The following SCP2 variants were observed in gnomAD, a reference collection of about 807,000 sequenced individuals.
SCP2 encodes the protein sterol carrier protein 2.
SCP2 carries 48 observed loss-of-function variants against 71.4 expected under a neutral mutation model. The observed-to-expected ratio is 0.67, with a 90% CI of 0.53 to 0.86. The LOEUF (loss-of-function observed/expected upper bound fraction) is 0.86, where lower values mean the gene tolerates loss of function less well. Ranked by LOEUF, SCP2 falls within the 40% of genes least tolerant of loss-of-function variation. The pLI is 0.00. For synonymous variants in SCP2, 220 were observed against 218.1 expected (o/e 1.01, Z -0.08); for missense variants, 560 against 655.6 (o/e 0.85, Z 1.59).
At chr1:52,974,353 G>C (rs987474651) in intron 6 of SCP2, among the ~76,000 whole-genome samples, 2 of 152,068 alleles carry the variant, frequency 1.3e-5, no homozygotes, top group African/African-American at 4.8e-5. Context: ...ATAAGGAAAG[G>C]GAGGAAGATG....
At chr1:53,004,409 A>G (rs1332488838) in intron 11 of SCP2, among the ~76,000 whole-genome samples, 1 of 152,178 alleles carries the variant, frequency 6.6e-6, no homozygotes, top group Non-Finnish European at 1.5e-5. Flanking sequence ...AAGCCATCAT[A>G]TCCCCTGTGA....
intron 1 of SCP2, among the ~76,000 whole-genome samples, chr1:52,935,711 A>G (rs1653675736): frequency 6.6e-6 from 1 of 152,046 alleles, no homozygotes; most frequent in South Asian, 2.1e-4. Flanking sequence ...GCTGAGGTTG[A>G]AGGCTTACTT....
chr1:52,967,348 A>G (rs1657061947), intron 6 of SCP2, among the ~76,000 whole-genome samples: 1 of 151,948 alleles, frequency 6.6e-6, no homozygotes, highest in African/African-American at 2.4e-5. Context: ...TTAATGTTTA[A>G]ACATTCTATA....
rs927968551 is a variant in SCP2 at position 52,927,358 on chromosome 1, C to T, written c.-39C>T. On this transcript the variant is annotated 5_prime_UTR_variant, in exon 1 of 16. Coordinates refer to ENST00000371514, the MANE Select transcript of SCP2 (RefSeq NM_002979.5). ...GTCTCCGCCTGTCAGTGCCGGCAGT[C>T]GTCCGCGGCGCCCGCCCCGGTCCCG... 1 of 1,528,150 alleles carries T rather than the reference C, an allele frequency of 6.5e-7. No homozygotes were observed. The highest frequency in any genetic ancestry group is 1.9e-5 in the Admixed American group (1 of 51,584). 94.7% of individuals were successfully genotyped at this position (1,528,150 alleles called of 1,614,324 possible). A position where few individuals can be genotyped will look rare whatever the true frequency, so the allele number is the denominator to read the frequency against.
intron 14 of SCP2, among the ~76,000 whole-genome samples, chr1:53,044,837 A>G (rs541683625): frequency 6.6e-6 from 1 of 152,374 alleles, no homozygotes; most frequent in Admixed American, 6.5e-5. Context: ...GCAATGAGAT[A>G]TTAGTCTTTG....
Position 53,001,164 on chromosome 1 carries a change from A to G in SCP2, c.1081+13028A>G, listed in dbSNP as rs557268645. ...GGTAACTACTAGTCTCAGGAAGTGT[A>G]TAAGAGGCAGATAATACAAGAACAC... On this transcript the variant is annotated intron_variant, in intron 11 of 15. Coordinates refer to ENST00000371514, the MANE Select transcript of SCP2 (RefSeq NM_002979.5). 3.9e-5 allele frequency among the ~76,000 whole-genome samples: 6 copies of G among 152,222 alleles called. No homozygotes were observed. In the South Asian group the frequency reaches 1.2e-3, roughly 32 times the overall value.
chr1:53,051,536 A>G lies in SCP2; in HGVS notation c.*832A>G, dbSNP rs1183175403. The G allele has an allele frequency of 1.3e-5, 2 of 152,174 alleles. No homozygotes were observed. Among genetic ancestry groups the G allele is most frequent in the Admixed American group, 1.3e-4 (2 of 15,278 alleles). The allele number at this position is 152,174 out of a possible 1,614,324, so 9.4% of individuals were successfully genotyped here. On this transcript the variant is annotated 3_prime_UTR_variant, in exon 16 of 16. Transcript: ENST00000371514. ...TTCTAATACTAATGTTATTTCTTAA[A>G]ATTCAGTGAGATATAGGATAAAATA... is the stretch of plus-strand genomic sequence containing the variant.
In SCP2 at chr1:52,988,129, C is replaced by A; in HGVS notation, c.1074C>A (p.Gly358=). The A allele has an allele frequency of 6.6e-7, 1 of 1,507,402 alleles. No individual in the cohort carries two copies. Among genetic ancestry groups the A allele is most frequent in the Non-Finnish European group, 9.2e-7 (1 of 1,083,330 alleles). The allele number at this position is 1,507,402 out of a possible 1,614,324, so 93.4% of individuals were successfully genotyped here. Reference sequence around the variant, plus strand: ...TGATTTCAAAGGGACACCCACTAGGCGCTACAGGTAATGCTACATACAGAT... The same window carrying A: ...TGATTTCAAAGGGACACCCACTAGGAGCTACAGGTAATGCTACATACAGAT... ...GGLISKGHPL[G]ATGLAQCAEL... is the part of the protein sequence containing the mutation. The change falls in exon 11 of 16, where the codon GGC becomes GGA. Residue 358 remains glycine (G), a synonymous_variant. Transcript: ENST00000371514.
chr1:52,927,390 T>G lies in SCP2; in HGVS notation c.-7T>G. ...GGCGCCCGCCCCGGTCCCGCACTGGTGCAGCCATGTCCTCTTCCCCGTGGG... is the reference window on the plus strand; with the variant it reads ...GGCGCCCGCCCCGGTCCCGCACTGGGGCAGCCATGTCCTCTTCCCCGTGGG... On this transcript the variant is annotated 5_prime_UTR_variant, in exon 1 of 16. Coordinates refer to ENST00000371514, the MANE Select transcript of SCP2 (RefSeq NM_002979.5). The G allele has an allele frequency of 1.3e-6, 2 of 1,584,770 alleles. No homozygotes were observed. Among genetic ancestry groups the G allele is most frequent in the Non-Finnish European group, 1.7e-6 (2 of 1,166,730 alleles).
At chr1:52,978,489 TTTAAG>T (rs1221782025) in intron 9 of SCP2, 122 bp downstream of exon 9, 1 of 812,560 alleles carries the variant, frequency 1.2e-6, no homozygotes, top group Non-Finnish European at 2.0e-6. Context: ...TTGTCATTAT[TTTAAG>T]TTGACTATGC....
intron 14 of SCP2, among the ~76,000 whole-genome samples, chr1:53,039,341 G>C (rs1414749430): frequency 6.6e-6 from 1 of 152,210 alleles, no homozygotes; most frequent in African/African-American, 2.4e-5. Flanking sequence ...CTGAGACTCA[G>C]TTTTCTCTTC....
At chr1:52,969,811 A>T (rs559174158) in intron 6 of SCP2, among the ~76,000 whole-genome samples, 53 of 134,142 alleles carry the variant, frequency 4.0e-4, no homozygotes, top group African/African-American at 1.4e-3. Context: ...GCAGAGCTAG[A>T]CTCCATCTCA....
chr1:52,933,212 G>T (rs1653324550), intron 1 of SCP2, among the ~76,000 whole-genome samples: 3 of 152,206 alleles, frequency 2.0e-5, no homozygotes, highest in Admixed American at 2.0e-4. Flanking sequence ...ATGCCGAAAG[G>T]ATTCAGGAGC....
intron 1 of SCP2, 23 bp downstream of exon 1, chr1:52,927,488 T>TG: frequency 6.3e-7 from 1 of 1,575,206 alleles, no homozygotes; most frequent in Non-Finnish European, 8.6e-7. Flanking sequence ...GCGGCCCTGC[T>TG]GGCCCTCTGA....
At chr1:52,965,810 G>GT (rs371742850) in intron 6 of SCP2, among the ~76,000 whole-genome samples, 7,633 of 140,076 alleles carry the variant, frequency 0.054, 482 homozygotes, top group African/African-American at 0.16. Context: ...AATTTTTGTA[G>GT]TTTTTTTTTT....
rs1283206192 is a variant in SCP2, at chr1:52,961,508, A to C, written c.402A>C (p.Ser134=). The change falls in exon 6 of 16, where the codon TCA becomes TCC. Residue 134 remains serine, a synonymous_variant. Coordinates refer to ENST00000371514, the MANE Select transcript of SCP2 (RefSeq NM_002979.5). ...MSKGSLGIKF[S]DRTIPTDKHV... Reference sequence around the variant, plus strand: ...ATTTTGTTCCCCCCTCTTAGTTTTCAGATAGAACCATTCCCACTGATAAGC... The same window carrying C: ...ATTTTGTTCCCCCCTCTTAGTTTTCCGATAGAACCATTCCCACTGATAAGC... The C allele has an allele frequency of 6.2e-7, 1 of 1,613,702 alleles. No individual in the cohort carries two copies. The highest frequency in any genetic ancestry group is 1.3e-5 in the African/African-American group (1 of 74,892).
At chr1:52,979,423 C>A (rs1183397691) in intron 9 of SCP2, among the ~76,000 whole-genome samples, 4 of 151,064 alleles carry the variant, frequency 2.6e-5, no homozygotes, top group Non-Finnish European at 4.4e-5. Flanking sequence ...TCAAGCGATT[C>A]ACCTGCCTCG....
intron 10 of SCP2, among the ~76,000 whole-genome samples, chr1:52,984,619 C>T (rs1056603643): frequency 6.6e-6 from 1 of 151,638 alleles, no homozygotes; most frequent in African/African-American, 2.4e-5. Context: ...CTCACCACAA[C>T]CTCCGCTACC....
At chr1:52,977,126 A>T (rs546726660) in intron 8 of SCP2, among the ~76,000 whole-genome samples, 1 of 152,236 alleles carries the variant, frequency 6.6e-6, no homozygotes, top group Non-Finnish European at 1.5e-5. Context: ...ACTCTATAAT[A>T]GTAGCTATGA....
Sources: allele counts gnomAD v4.1 joint callset (sites outside exome capture counted in the v4.1 genomes callset), GRCh38; gene constraint gnomAD v4.1.1; transcripts MANE v1.5; gene names NCBI Gene and HGNC (gene_info 2026-07-23, HGNC 2026-07-21).